Variants in BIRC6 observed in about 807,000 individuals in gnomAD.
BIRC6 encodes baculoviral IAP repeat containing 6.
Under a neutral mutation model 503.3 loss-of-function variants are expected in BIRC6, and 98 were observed. That is an observed-to-expected ratio of 0.19 (90% CI 0.17 to 0.23). The LOEUF (loss-of-function observed/expected upper bound fraction) is 0.23, where lower values mean the gene tolerates loss of function less well. Among genes scored for constraint, BIRC6 ranks in the 10% least tolerant of loss-of-function variants. The pLI is 1.00. For synonymous variants in BIRC6, 2,240 were observed against 2,078.7 expected, an observed-to-expected ratio of 1.08 and a Z score of -2.11; for missense variants, 5,360 against 5,806.0, an observed-to-expected ratio of 0.92 and a Z score of 2.50.
At chr2:32,562,817 G>GT (rs1323497644) in intron 65 of BIRC6, among the ~76,000 whole-genome samples, 1 of 152,158 alleles carries the variant, frequency 6.6e-6, no homozygotes, top group Non-Finnish European at 1.5e-5. Flanking sequence ...GTATGAACAT[G>GT]TAAGTGTTTA....
At chr2:32,425,520 C>T (rs975296684) in intron 10 of BIRC6, among the ~76,000 whole-genome samples, 1 of 145,090 alleles carries the variant, frequency 6.9e-6, no homozygotes, top group Non-Finnish European at 1.5e-5. Flanking sequence ...TCAGAACTTT[C>T]TGAGTATTGT....
intron 45 of BIRC6, 109 bp from the exon 46 acceptor site, chr2:32,499,433 TTGTGA>T: frequency 2.2e-6 from 2 of 900,626 alleles, no homozygotes. Context: ...CTTTCTTGTA[TTGTGA>T]TAAGTTACTA....
In BIRC6 at chr2:32,471,036, C is replaced by G; in HGVS notation, c.6504C>G (p.Ile2168Met). Reference protein sequence around the residue: ...RTEGVLDIPMISWVVMLVSRL... With the variant: ...RTEGVLDIPMMSWVVMLVSRL... ...CAGGAGTACTAGATATTCCCATGAT[C>G]AGTTGGGTTGTTATGCTGGTGTCCA... The change falls in exon 32 of 74, where the codon ATC becomes ATG. Residue 2168 changes from isoleucine to methionine, a missense_variant. Transcript: ENST00000421745. 6.3e-7 allele frequency: 1 copy of G among 1,576,738 alleles called. No individual in the cohort carries two copies. The highest frequency in any genetic ancestry group is 1.2e-5 in the South Asian group (1 of 85,910).
chr2:32,505,159 G>A lies in BIRC6; in HGVS notation c.9654G>A (p.Val3218=), dbSNP rs1382544842. 6.3e-7 allele frequency: 1 copy of A among 1,592,158 alleles called. No individual in the cohort carries two copies. Among genetic ancestry groups the A allele is most frequent in the Non-Finnish European group, 8.6e-7 (1 of 1,168,522 alleles). The change falls in exon 50 of 74, where the codon GTG becomes GTA. Residue 3218 remains valine, a synonymous_variant. Transcript: ENST00000421745. ...TTACCATTCACCTTCCTGCAGCAGTGCTGCTTAAGGAGATACATATCCAGC... is the reference window on the plus strand; with the variant it reads ...TTACCATTCACCTTCCTGCAGCAGTACTGCTTAAGGAGATACATATCCAGC... ...CDLTIHLPAA[V]LLKEIHIQPH... is the part of the protein sequence containing the mutation.
intron 6 of BIRC6, among the ~76,000 whole-genome samples, chr2:32,396,065 C>T (rs1200463635): frequency 6.6e-6 from 1 of 152,070 alleles, no homozygotes; most frequent in Non-Finnish European, 1.5e-5. Flanking sequence ...TTCATTTTTA[C>T]AAATAACTAT....
At chr2:32,484,429 C>G (rs2149244334) in intron 39 of BIRC6, among the ~76,000 whole-genome samples, 1 of 151,750 alleles carries the variant, frequency 6.6e-6, no homozygotes, top group East Asian at 1.9e-4. Context: ...TGGCGGGTAC[C>G]TGTAATCCTT....
intron 63 of BIRC6, among the ~76,000 whole-genome samples, chr2:32,547,540 A>C (rs947469808): frequency 1.3e-5 from 2 of 151,964 alleles, no homozygotes; most frequent in African/African-American, 4.8e-5. Context: ...TCAGTACTTC[A>C]TTTCTTCTTA....
At chr2:32,368,255 C>G (rs2035258415) in intron 1 of BIRC6, among the ~76,000 whole-genome samples, 1 of 151,908 alleles carries the variant, frequency 6.6e-6, no homozygotes, top group Non-Finnish European at 1.5e-5. Context: ...AGTTCAAACT[C>G]CCTGGCTGGG....
chr2:32,477,522 T>C lies in BIRC6; in HGVS notation c.7007T>C (p.Val2336Ala). Reference sequence around the variant, plus strand: ...TGTATCTCAGTAGTCCAGAAACTTGTTCTGTTTCTTCTCTCCATGGACTTT... The same window carrying C: ...TGTATCTCAGTAGTCCAGAAACTTGCTCTGTTTCTTCTCTCCATGGACTTT... ...ERCISVVQKL[V>A]LFLLSMDFTC... is the part of the protein sequence containing the mutation. Residue 2336 changes from valine (V) to alanine (A), a missense_variant, in exon 35 of 74, where the codon GTT (valine) becomes GCT (alanine). Transcript: ENST00000421745. 2 of 1,613,950 alleles carry C rather than the reference T, an allele frequency of 1.2e-6. No homozygotes were observed. The highest frequency in any genetic ancestry group is 1.7e-6 in the Non-Finnish European group (2 of 1,179,850).
In BIRC6 at chr2:32,499,676, A is replaced by C. The variant is rs1440833242; in HGVS notation, c.8598A>C (p.Leu2866Phe). The change falls in exon 46 of 74, where the codon TTA becomes TTC. Residue 2866 changes from leucine to phenylalanine, a missense_variant. Leu to Phe is a conservative substitution (Grantham distance 22, BLOSUM62 0). Around this residue, in one of 16 missense-constraint regions of BIRC6, gnomAD observed 2,299 missense variants for 2,267.2 expected, o/e 1.01. Coordinates refer to ENST00000421745, the MANE Select transcript of BIRC6 (RefSeq NM_016252.4). ...ISAVIESVTF[L>F]VHHYITCSDK... Reference sequence around the variant, plus strand: ...CCGTGATAGAATCGGTTACATTTTTAGTGCACCACTATATCACTTGCTCAG... The same window carrying C: ...CCGTGATAGAATCGGTTACATTTTTCGTGCACCACTATATCACTTGCTCAG... The C allele has an allele frequency of 6.2e-7, 1 of 1,613,970 alleles. No homozygotes were observed. The highest frequency in any genetic ancestry group is 1.1e-5 in the South Asian group (1 of 91,082).
chr2:32,500,131 C>A (rs772252911), intron 46 of BIRC6, 22 bp downstream of exon 46: 2 of 1,550,766 alleles, frequency 1.3e-6, no homozygotes, highest in Non-Finnish European at 1.7e-6. Context: ...GAATATTAAT[C>A]TTACCATTGT....
intron 22 of BIRC6, among the ~76,000 whole-genome samples, chr2:32,450,323 C>CA (rs1367204912): frequency 2.0e-5 from 3 of 151,920 alleles, no homozygotes; most frequent in African/African-American, 7.3e-5. Context: ...CTAAAAATGC[C>CA]AAAAAATTAG....
rs760317231 is a variant in BIRC6, at chr2:32,469,376, G to C, written c.6128-19G>C. ...ATACATTTAAATAGGAAAGTTTACT[G>C]TTTTCTTTCTTGTAATAGGACACTC... On this transcript the variant is annotated intron_variant, in intron 29 of 73. Coordinates refer to ENST00000421745, the MANE Select transcript of BIRC6 (RefSeq NM_016252.4). 6.3e-7 allele frequency: 1 copy of C among 1,588,670 alleles called. No homozygotes were observed. Among genetic ancestry groups the C allele is most frequent in the South Asian group, 1.1e-5 (1 of 87,812 alleles).
chr2:32,375,907 C>T (rs1039444560), intron 1 of BIRC6, among the ~76,000 whole-genome samples: 4 of 151,956 alleles, frequency 2.6e-5, no homozygotes, highest in Non-Finnish European at 4.4e-5. Flanking sequence ...ATGAGATGGC[C>T]GGGCGCAGTG....
Position 32,415,155 on chromosome 2 carries a change from CTGG to C in BIRC6, c.1866_1868del (p.Val623del). 1.2e-6 allele frequency: 2 copies of C among 1,613,992 alleles called. No homozygotes were observed. The highest frequency in any genetic ancestry group is 1.7e-6 in the Non-Finnish European group (2 of 1,179,884). On this transcript the variant is annotated inframe_deletion, in exon 10 of 74. Transcript: ENST00000421745. ...CACTAATTCAGAACTAAATTCTCCT[CTGG>C]TAAGGAGGACTTTACCGGTTTTGCT... is the stretch of plus-strand genomic sequence containing the variant.
intron 8 of BIRC6, among the ~76,000 whole-genome samples, chr2:32,402,341 T>A (rs551501889): frequency 6.6e-6 from 1 of 152,288 alleles, no homozygotes; most frequent in East Asian, 1.9e-4. Context: ...GGCAGCCATG[T>A]GAAATGGAGC....
At chr2:32,422,414 A>C (rs966538358) in intron 10 of BIRC6, among the ~76,000 whole-genome samples, 1 of 148,648 alleles carries the variant, frequency 6.7e-6, no homozygotes, top group Non-Finnish European at 1.5e-5. Flanking sequence ...CCCTCTGTTG[A>C]TTTTTTTTTT....
intron 10 of BIRC6, among the ~76,000 whole-genome samples, chr2:32,426,967 A>G (rs1164431193): frequency 6.6e-6 from 1 of 152,110 alleles, no homozygotes; most frequent in African/African-American, 2.4e-5. Flanking sequence ...TCTGGTCTCC[A>G]TTGTTTCTCA....
rs1449193337 is a variant in BIRC6, at chr2:32,465,051, T to C, written c.5257-14T>C. 6.6e-7 allele frequency: 1 copy of C among 1,515,040 alleles called. No homozygotes were observed. The highest frequency in any genetic ancestry group is 1.2e-5 in the South Asian group (1 of 80,300). 93.8% of individuals were successfully genotyped at this position (1,515,040 alleles called of 1,614,324 possible). A position where few individuals can be genotyped will look rare whatever the true frequency, so the allele number is the denominator to read the frequency against. On this transcript the variant is annotated splice_polypyrimidine_tract_variant and intron_variant, in intron 25 of 73. Coordinates refer to ENST00000421745, the MANE Select transcript of BIRC6 (RefSeq NM_016252.4). ...TCAATATAAAGTTAGATTTTTTTTT[T>C]TTCCCTGCTCTAGAATCCACTTGGT...
Sources: gnomAD v4.1 joint callset for allele counts (sites outside exome capture counted in the v4.1 genomes callset) on GRCh38, gnomAD v4.1.1 for gene constraint, gnomAD v4.1.1 regional missense constraint, MANE v1.5 for transcripts, NCBI Gene and HGNC (gene_info 2026-07-23, HGNC 2026-07-21) for gene names.